TNPO1: variants seen among roughly 807,000 people sequenced by gnomAD.
The protein encoded by TNPO1 is transportin-1.
A neutral mutation model predicts 119.5 loss-of-function variants in TNPO1; 8 were observed. The ratio of observed to expected loss-of-function variants is 0.07; its 90% confidence interval spans 0.04 to 0.12. The LOEUF (loss-of-function observed/expected upper bound fraction) is 0.12, where lower values mean the gene tolerates loss of function less well. TNPO1 is among the 10% of genes least tolerant of loss of function. TNPO1 has a pLI of 1.00. For synonymous variants in TNPO1, 362 were observed against 363.0 expected (o/e 1.00, Z 0.03); for missense variants, 576 against 1,089.8 (o/e 0.53, Z 6.64).
At chr5:72,820,053 T>C (rs1743885592) in intron 1 of TNPO1, among the ~76,000 whole-genome samples, 1 of 152,310 alleles carries the variant, frequency 6.6e-6, no homozygotes, top group Non-Finnish European at 1.5e-5. Flanking sequence ...CCTTCCAATG[T>C]TTTTTTCTGA....
intron 1 of TNPO1, chr5:72,847,982 A>G (rs1183924617): frequency 1.2e-6 from 1 of 858,500 alleles, no homozygotes; most frequent in Non-Finnish European, 1.4e-6. Context: ...TTTGATAAGG[A>G]CTTGACTTTT....
chr5:72,860,075 G>A (rs1746313218), intron 4 of TNPO1, among the ~76,000 whole-genome samples: 1 of 152,082 alleles, frequency 6.6e-6, no homozygotes, highest in Non-Finnish European at 1.5e-5. Flanking sequence ...TTTTTTGTGT[G>A]TGGAGAATAA....
chr5:72,858,035 G>T (rs908450508), intron 4 of TNPO1, among the ~76,000 whole-genome samples: 2 of 152,174 alleles, frequency 1.3e-5, no homozygotes, highest in Admixed American at 6.5e-5. Flanking sequence ...TTTCATTTTA[G>T]TTTATGTTAA....
chr5:72,848,783 G>A (rs1281445905), intron 2 of TNPO1, among the ~76,000 whole-genome samples: 3 of 148,332 alleles, frequency 2.0e-5, no homozygotes, highest in African/African-American at 7.3e-5. Context: ...GCCGCCGCCC[G>A]GGATCGCGAC....
chr5:72,866,118 G>A (rs1718015452), intron 6 of TNPO1, among the ~76,000 whole-genome samples: 1 of 152,162 alleles, frequency 6.6e-6, no homozygotes, highest in African/African-American at 2.4e-5. Context: ...CGTATTGCGT[G>A]GATGCTGGGG....
intron 23 of TNPO1, among the ~76,000 whole-genome samples, chr5:72,904,193 A>G (rs1398875749): frequency 6.6e-6 from 1 of 152,224 alleles, no homozygotes; most frequent in East Asian, 1.9e-4. Flanking sequence ...TCAGTACTCA[A>G]CCACAGTAAA....
chr5:72,886,076 C>T (rs1188509566), intron 11 of TNPO1, among the ~76,000 whole-genome samples: 3 of 151,712 alleles, frequency 2.0e-5, no homozygotes, highest in African/African-American at 4.9e-5. Flanking sequence ...GGCCCCACCT[C>T]CCATCTTCGT....
intron 10 of TNPO1, among the ~76,000 whole-genome samples, chr5:72,882,846 TGAAA>T (rs1356501320): frequency 1.3e-5 from 2 of 152,234 alleles, no homozygotes; most frequent in East Asian, 3.9e-4. Flanking sequence ...TGTAGTTGGC[TGAAA>T]GGGCCGTATA....
chr5:72,851,609 A>C (rs887677123), intron 3 of TNPO1, among the ~76,000 whole-genome samples: 1 of 152,286 alleles, frequency 6.6e-6, no homozygotes, highest in Middle Eastern at 3.4e-3. Context: ...GCTCATGCCA[A>C]ACCTCCCTAG....
chr5:72,861,719 A>G (rs1746463210), intron 4 of TNPO1, 89 bp from the exon 5 acceptor site: 2 of 927,312 alleles, frequency 2.2e-6, no homozygotes, highest in African/African-American at 1.6e-5. Flanking sequence ...TATTATTTAC[A>G]TAAAATGTGT....
At chr5:72,865,478 A>G in intron 5 of TNPO1, 118 bp from the exon 6 acceptor site, 1 of 1,126,876 alleles carries the variant, frequency 8.9e-7, no homozygotes, top group Non-Finnish European at 1.3e-6. Context: ...TGGATTTTAG[A>G]AGGCATTTTA....
At chr5:72,890,956 C>T (rs1006217038) in intron 14 of TNPO1, among the ~76,000 whole-genome samples, 4 of 151,996 alleles carry the variant, frequency 2.6e-5, no homozygotes, top group African/African-American at 9.7e-5. Flanking sequence ...CGGGCTCAAG[C>T]GATCCTCCCA....
chr5:72,846,116 A>G (rs1745114242), intron 1 of TNPO1, among the ~76,000 whole-genome samples: 2 of 152,242 alleles, frequency 1.3e-5, no homozygotes, highest in Non-Finnish European at 2.9e-5. Flanking sequence ...TTGGAAAGTA[A>G]TTTGGTAATA....
At chr5:72,841,979 T>G (rs186911232) in intron 1 of TNPO1, among the ~76,000 whole-genome samples, 8 of 152,306 alleles carry the variant, frequency 5.3e-5, no homozygotes, top group Admixed American at 3.9e-4. Context: ...CTGTTTTGAT[T>G]TATCTGCTTG....
chr5:72,818,033 T>C (rs1424904131), intron 1 of TNPO1, among the ~76,000 whole-genome samples: 1 of 152,236 alleles, frequency 6.6e-6, no homozygotes, highest in African/African-American at 2.4e-5. Flanking sequence ...AGTTTGTAGG[T>C]GCAGATATCT....
intron 24 of TNPO1, among the ~76,000 whole-genome samples, 190 bp from the exon 25 acceptor site, chr5:72,908,519 A>T (rs1229143808): frequency 6.6e-6 from 1 of 152,170 alleles, no homozygotes; most frequent in Non-Finnish European, 1.5e-5. Flanking sequence ...TGCAGCAAAC[A>T]ATTCAGTGCC....
In TNPO1 at chr5:72,864,833, T is replaced by G. The variant is rs188938887; in HGVS notation, c.463-763T>G. Among the ~76,000 whole-genome samples, 3 of 152,136 alleles carry G rather than the reference T, an allele frequency of 2.0e-5. No individual in the cohort carries two copies. The East Asian group carries it at 5.8e-4, about 30-fold the overall frequency. On this transcript the variant is annotated intron_variant, in intron 5 of 24. Coordinates refer to ENST00000337273, the MANE Select transcript of TNPO1 (RefSeq NM_002270.4). ...CATGTTGGCTAGGCTGGTCTTGAAC[T>G]CCTGACCTCAGGTAATCCACCCGCG...
Position 72,910,357 on chromosome 5 carries a change from T to C in TNPO1, c.*1684T>C, listed in dbSNP as rs965991734. On this transcript the variant is annotated 3_prime_UTR_variant, in exon 25 of 25. Transcript: ENST00000337273. ...TTTTCCTTCCATGTGTATTTTCTTA[T>C]ATACTGTGAATGTGAAAACCTAACT... 6.6e-6 allele frequency: 1 copy of C among 152,632 alleles called. No individual in the cohort carries two copies. Among genetic ancestry groups the C allele is most frequent in the Non-Finnish European group, 1.5e-5 (1 of 68,010 alleles). 9.5% of individuals were successfully genotyped at this position (152,632 alleles called of 1,614,324 possible).
At chr5:72,882,332 T>C (rs934182064) in intron 9 of TNPO1, 135 bp from the exon 10 acceptor site, 12 of 554,396 alleles carry the variant, frequency 2.2e-5, no homozygotes, top group Non-Finnish European at 3.7e-5. Context: ...AGCAGACATA[T>C]ATCACTGAAT....
Sources: allele counts gnomAD v4.1 joint callset (sites outside exome capture counted in the v4.1 genomes callset), GRCh38; gene constraint gnomAD v4.1.1; transcripts MANE v1.5; gene names NCBI Gene and HGNC (gene_info 2026-07-23, HGNC 2026-07-21).